The following NBPF20 variants were observed in gnomAD, a reference collection of about 807,000 sequenced individuals.
The protein encoded by NBPF20 is NBPF family member NBPF20.
A neutral mutation model predicts 68.1 loss-of-function variants in NBPF20; 90 were observed. The ratio of observed to expected loss-of-function variants is 1.32; its 90% CI spans 1.11 to 1.58. The LOEUF (loss-of-function observed/expected upper bound fraction) is 1.58, where lower values mean the gene tolerates loss of function less well. NBPF20 is among the 40% of genes most tolerant of loss of function. The pLI is 0.00. For missense variants in NBPF20, 816 were observed against 601.2 expected (o/e 1.36, Z -3.74); for synonymous variants, 290 against 228.1 (o/e 1.27, Z -2.45).
chr1:145,393,638 G>T (rs1371231670), intron 9 of NBPF20: 5 of 951,736 alleles, frequency 5.3e-6, no homozygotes, highest in Admixed American at 2.7e-5. Flanking sequence ...AAGTTTCCCT[G>T]CAGTTACCAT....
exon 10 of NBPF20, chr1:145,393,238 C>T: frequency 1.6e-6 from 1 of 632,542 alleles, no homozygotes; most frequent in Non-Finnish European, 2.8e-6. Context: ...CAGCAGCTCC[C>T]TGCTGAGCCT....
chr1:145,408,602 G>T (rs1662898715), upstream of NBPF20, among the ~76,000 whole-genome samples: 1 of 151,444 alleles, frequency 6.6e-6, no homozygotes, highest in African/African-American at 2.4e-5. Flanking sequence ...CTTATTCTAG[G>T]TTCTTTGATT....
intron 2 of NBPF20, among the ~76,000 whole-genome samples, chr1:145,404,058 G>A (rs1662651300): frequency 8.7e-6 from 1 of 114,966 alleles, no homozygotes; most frequent in Non-Finnish European, 1.7e-5. Flanking sequence ...GGAAACTGAG[G>A]GACAGACAAG....
intron 8 of NBPF20, among the ~76,000 whole-genome samples, chr1:145,394,772 G>A (rs1443822250): frequency 6.6e-6 from 1 of 152,112 alleles, no homozygotes; most frequent in Non-Finnish European, 1.5e-5. Context: ...CATGGCCTGA[G>A]ACTAGGAAGA....
At chr1:145,400,239 G>C in intron 6 of NBPF20, 150 bp downstream of exon 11, 1 of 1,493,636 alleles carries the variant, frequency 6.7e-7, no homozygotes, top group Non-Finnish European at 9.2e-7. Context: ...CATGACATTA[G>C]CTGAGAAGGA....
intron 6 of NBPF20, among the ~76,000 whole-genome samples, 195 bp downstream of exon 11, chr1:145,400,194 T>C (rs1287287531): frequency 0.011 from 1,689 of 152,216 alleles, 17 homozygotes; most frequent in Non-Finnish European, 0.012. Context: ...TGCCTGGGGT[T>C]GAGTAACTTG....
At chr1:145,408,152 C>T (rs587774525), upstream of NBPF20, 24 of 213,648 alleles carry the variant, frequency 1.1e-4, no homozygotes, top group East Asian at 2.9e-3. Flanking sequence ...TGGCCTCCCA[C>T]CTTCAGCGTT....
upstream of NBPF20, among the ~76,000 whole-genome samples, chr1:145,409,690 C>G: frequency 6.6e-6 from 1 of 151,242 alleles, no homozygotes; most frequent in Middle Eastern, 3.4e-3. Flanking sequence ...TAAGGGCCCC[C>G]AGCACCTAGA....
chr1:145,425,137 C>A, the NBPF20 span, among the ~76,000 whole-genome samples: 1 of 152,128 alleles, frequency 6.6e-6, no homozygotes, highest in Non-Finnish European at 1.5e-5. Context: ...TCCCCAGCGC[C>A]CAAGAGATGA....
exon 138 of NBPF20, chr1:145,291,385 G>T (rs587690326): frequency 5.0e-5 from 78 of 1,571,362 alleles, no homozygotes; most frequent in Non-Finnish European, 6.5e-5. Context: ...CACTGGCATG[G>T]TTTGAGAATA....
chr1:145,292,385 G>A (rs1553658154), exon 137 of NBPF20: 1 of 680,244 alleles, frequency 1.5e-6, no homozygotes, highest in Admixed American at 2.2e-5. Flanking sequence ...AGTCACCTGG[G>A]GCATGGTGGG....
the NBPF20 span, among the ~76,000 whole-genome samples, chr1:145,415,314 C>A: frequency 6.6e-6 from 1 of 152,024 alleles, no homozygotes; most frequent in Non-Finnish European, 1.5e-5. Context: ...GGGCTTTACA[C>A]CGAGACATTC....
the NBPF20 span, among the ~76,000 whole-genome samples, chr1:145,423,445 G>GA: frequency 6.9e-4 from 87 of 126,306 alleles, no homozygotes; most frequent in African/African-American, 2.4e-3. Context: ...GTCTCAAAAA[G>GA]AAAAAAAAAA....
chr1:145,352,284 T>TA (rs1661655353), intron 61 of NBPF20, among the ~76,000 whole-genome samples, 195 bp from the exon 67 acceptor site: 1 of 67,530 alleles, frequency 1.5e-5, no homozygotes, highest in African/African-American at 5.8e-5. Flanking sequence ...GAAAGACAGA[T>TA]AGACACACAC....
the NBPF20 span, among the ~76,000 whole-genome samples, chr1:145,410,604 C>G: frequency 6.6e-6 from 1 of 151,076 alleles, no homozygotes; most frequent in African/African-American, 2.4e-5. Context: ...TGAGCCACCG[C>G]GCCCGGCCCC....
chr1:145,411,333 T>C, the NBPF20 span, among the ~76,000 whole-genome samples: 1 of 151,342 alleles, frequency 6.6e-6, no homozygotes, highest in African/African-American at 2.4e-5. Flanking sequence ...AAGCAATTTT[T>C]TGTAGTTTTT....
chr1:145,291,527 T>A (rs1558959964), exon 138 of NBPF20: 4 of 1,612,026 alleles, frequency 2.5e-6, no homozygotes, highest in South Asian at 1.1e-5. Flanking sequence ...AAGGGCTGTT[T>A]ATTGTGGGAA....
At chr1:145,290,451 G>A (rs1660994035) in exon 138 of NBPF20, 1 of 149,484 alleles carries the variant, frequency 6.7e-6, no homozygotes, top group African/African-American at 2.5e-5. Flanking sequence ...AAACGTTTAG[G>A]CTGAATTTAA....
upstream of NBPF20, among the ~76,000 whole-genome samples, chr1:145,409,654 C>A (rs1375171077): frequency 6.7e-6 from 1 of 149,838 alleles, no homozygotes; most frequent in Non-Finnish European, 1.5e-5. Context: ...ACTCTCCAAA[C>A]CTCTGTGATT....
Sources: allele counts gnomAD v4.1 joint callset (sites outside exome capture counted in the v4.1 genomes callset), GRCh38; gene constraint gnomAD v4.1.1; transcripts MANE v1.5; gene names NCBI Gene and HGNC (gene_info 2026-07-23, HGNC 2026-07-21).